MARCHF8: variants seen among roughly 807,000 people sequenced by gnomAD.
MARCHF8 encodes membrane associated ring-CH-type finger 8, also known as E3 ubiquitin-protein ligase MARCHF8.
MARCHF8 carries 40 observed loss-of-function variants against 51.6 expected under a neutral mutation model. The ratio of observed to expected loss-of-function variants is 0.77; its 90% CI spans 0.60 to 1.01. MARCHF8 has a LOEUF of 1.01. Among genes scored for constraint, MARCHF8 ranks in the 50% least tolerant of loss-of-function variants. The pLI, the probability that MARCHF8 is intolerant of heterozygous loss-of-function variation, is 0.00. For missense variants in MARCHF8, 685 were observed against 708.6 expected (o/e 0.97, Z 0.38); for synonymous variants, 263 against 280.3 (o/e 0.94, Z 0.62).
chr10:45,471,006 T>C (rs2042679451), intron 3 of MARCHF8, among the ~76,000 whole-genome samples: 1 of 152,210 alleles, frequency 6.6e-6, no homozygotes. Flanking sequence ...TAAATACATG[T>C]TGACTCTTAT....
intron 5 of MARCHF8, among the ~76,000 whole-genome samples, chr10:45,462,936 T>C (rs930246318): frequency 6.6e-6 from 1 of 152,246 alleles, no homozygotes; most frequent in African/African-American, 2.4e-5. Context: ...AGCTTCTTCC[T>C]CTTTTATCAT....
intron 2 of MARCHF8, among the ~76,000 whole-genome samples, chr10:45,501,257 T>C (rs2043274814): frequency 6.6e-6 from 1 of 151,712 alleles, no homozygotes; most frequent in African/African-American, 2.4e-5. Context: ...CTGGGAGAAA[T>C]CCATCCATCC....
At chr10:45,533,904 C>T (rs1458225472) in intron 1 of MARCHF8, among the ~76,000 whole-genome samples, 1 of 152,176 alleles carries the variant, frequency 6.6e-6, no homozygotes, top group African/African-American at 2.4e-5. Flanking sequence ...TGTAAATGGG[C>T]CGGGTGCGGT....
intron 2 of MARCHF8, among the ~76,000 whole-genome samples, chr10:45,524,945 A>G (rs2043767200): frequency 6.6e-6 from 1 of 152,260 alleles, no homozygotes; most frequent in Admixed American, 6.5e-5. Flanking sequence ...GTTTGCCCAC[A>G]TGGCTCTGGA....
At chr10:45,494,469 C>A (rs1016777727) in intron 2 of MARCHF8, among the ~76,000 whole-genome samples, 5 of 152,212 alleles carry the variant, frequency 3.3e-5, no homozygotes, top group African/African-American at 9.6e-5. Context: ...GCAATGAACA[C>A]CGCTAACTAC....
intron 2 of MARCHF8, among the ~76,000 whole-genome samples, chr10:45,525,115 T>C (rs1313550036): frequency 2.6e-5 from 4 of 152,306 alleles, no homozygotes; most frequent in Admixed American, 2.0e-4. Flanking sequence ...CACTTGAACA[T>C]TGTGAGGTCA....
At chr10:45,560,628 T>C (rs751830594) in intron 1 of MARCHF8, among the ~76,000 whole-genome samples, 12 of 152,164 alleles carry the variant, frequency 7.9e-5, no homozygotes, top group Non-Finnish European at 1.6e-4. Context: ...CCTAGCCCGC[T>C]CCCCTAGCTC....
chr10:45,464,643 C>A, intron 3 of MARCHF8, among the ~76,000 whole-genome samples: 1 of 152,178 alleles, frequency 6.6e-6, no homozygotes, highest in East Asian at 1.9e-4. Flanking sequence ...AAACGAAGTA[C>A]TAGAAGGTAT....
intron 1 of MARCHF8, among the ~76,000 whole-genome samples, chr10:45,579,028 T>C (rs986101338): frequency 6.6e-6 from 1 of 152,206 alleles, no homozygotes; most frequent in Non-Finnish European, 1.5e-5. Context: ...GGGACAACTG[T>C]TGAAACTGCA....
intron 1 of MARCHF8, among the ~76,000 whole-genome samples, chr10:45,577,085 C>A (rs2044499126): frequency 1.3e-5 from 2 of 151,756 alleles, no homozygotes; most frequent in South Asian, 2.1e-4. Context: ...ATTAGGGACT[C>A]ATCAAAGAGC....
intron 1 of MARCHF8, among the ~76,000 whole-genome samples, chr10:45,578,686 T>C (rs760668405): frequency 3.9e-5 from 6 of 152,158 alleles, no homozygotes; most frequent in Non-Finnish European, 8.8e-5. Flanking sequence ...CTAAACCAAC[T>C]GTTTGATGTT....
At chr10:45,459,590 T>G in intron 6 of MARCHF8, 3 of 425,444 alleles carry the variant, frequency 7.1e-6, no homozygotes, top group Non-Finnish European at 9.4e-6. Flanking sequence ...ATGAAAACAG[T>G]ATGTTGGCCC....
intron 5 of MARCHF8, 21 bp downstream of exon 5, chr10:45,463,130 G>A: frequency 6.5e-7 from 1 of 1,539,754 alleles, no homozygotes; most frequent in Non-Finnish European, 8.8e-7. Flanking sequence ...TGGCTAGAAT[G>A]GCACTTCCTG....
intron 1 of MARCHF8, among the ~76,000 whole-genome samples, chr10:45,577,503 T>A (rs1428785127): frequency 3.9e-5 from 6 of 152,146 alleles, no homozygotes; most frequent in Admixed American, 6.5e-5. Flanking sequence ...ATACCTACTA[T>A]GTGCCCACAA....
At chr10:45,546,587 G>A (rs117488236) in intron 1 of MARCHF8, among the ~76,000 whole-genome samples, 1 of 151,896 alleles carries the variant, frequency 6.6e-6, no homozygotes, top group Non-Finnish European at 1.5e-5. Flanking sequence ...TTTGAGACCA[G>A]CCTGGGCCAC....
chr10:45,518,363 A>G (rs1019390185), intron 2 of MARCHF8, among the ~76,000 whole-genome samples: 3 of 152,114 alleles, frequency 2.0e-5, no homozygotes, highest in Non-Finnish European at 4.4e-5. Flanking sequence ...GCTTGATGAC[A>G]TGTGTATTCT....
chr10:45,510,998 G>A (rs2043489481), intron 2 of MARCHF8, among the ~76,000 whole-genome samples: 1 of 152,070 alleles, frequency 6.6e-6, no homozygotes, highest in Non-Finnish European at 1.5e-5. Context: ...TGAAAAAATG[G>A]ATTTATAGTT....
rs182142009 is a variant in MARCHF8, at chr10:45,541,120, C to A, written c.-78-7831G>T. ...TGCTGTTATAAAAGACACATGCACA[C>A]GTATGTTTATTGCGGCACTATTCAC... On this transcript the variant is annotated intron_variant, in intron 1 of 6. Transcript: ENST00000319836. Among the ~76,000 whole-genome samples the A allele has an allele frequency of 2.6e-4, 39 of 152,264 alleles. 1 individual carries two copies. In the East Asian group the frequency reaches 6.7e-3, roughly 26 times the overall value.
chr10:45,587,942 AAAATT>A, intron 1 of MARCHF8, among the ~76,000 whole-genome samples: 1 of 152,254 alleles, frequency 6.6e-6, no homozygotes, highest in East Asian at 1.9e-4. Flanking sequence ...GACAAAAAAT[AAAATT>A]AAAATTAAAA....
Sources: gnomAD v4.1 joint callset for allele counts (sites outside exome capture counted in the v4.1 genomes callset) on GRCh38, gnomAD v4.1.1 for gene constraint, MANE v1.5 for transcripts, NCBI Gene and HGNC (gene_info 2026-07-23, HGNC 2026-07-21) for gene names.